CCDC149: variants seen among roughly 807,000 people sequenced by gnomAD.
CCDC149 encodes coiled-coil domain containing 149, also known as coiled-coil domain-containing protein 149.
CCDC149 carries 45 observed loss-of-function variants against 59.9 expected under a neutral mutation model. That is an observed-to-expected ratio of 0.75 (90% CI 0.59 to 0.96). The LOEUF is 0.96. Ranked by LOEUF, CCDC149 falls within the 40% of genes least tolerant of loss-of-function variation. CCDC149 has a pLI of 0.00. For synonymous variants in CCDC149, 245 were observed against 260.6 expected, an observed-to-expected ratio of 0.94 and a Z score of 0.58; for missense variants, 584 against 664.7, an observed-to-expected ratio of 0.88 and a Z score of 1.33.
intron 4 of CCDC149, among the ~76,000 whole-genome samples, chr4:24,839,000 ACTCT>A (rs36052894): frequency 0.057 from 7,329 of 127,882 alleles, 250 homozygotes; most frequent in South Asian, 0.082. Flanking sequence ...TATACTAAGA[ACTCT>A]CTCTCTCTCT....
At chr4:24,979,540 A>G (rs1724373316) in intron 1 of CCDC149, among the ~76,000 whole-genome samples, 1 of 152,198 alleles carries the variant, frequency 6.6e-6, no homozygotes, top group African/African-American at 2.4e-5. Flanking sequence ...TCCATATGCT[A>G]TTTAAACTGG....
intron 3 of CCDC149, among the ~76,000 whole-genome samples, chr4:24,864,027 G>A (rs1718536352): frequency 6.6e-6 from 1 of 152,202 alleles, no homozygotes; most frequent in Non-Finnish European, 1.5e-5. Context: ...AGAGTGCCTT[G>A]CTGAGAGATC....
At chr4:24,910,239 TCCCATAG>T (rs1176963458) in intron 1 of CCDC149, among the ~76,000 whole-genome samples, 1 of 152,202 alleles carries the variant, frequency 6.6e-6, no homozygotes, top group African/African-American at 2.4e-5. Context: ...ATCTCCGTCT[TCCCATAG>T]CCTGCTCCCT....
chr4:24,914,504 G>A (rs2109332515), upstream of CCDC149, among the ~76,000 whole-genome samples: 1 of 152,136 alleles, frequency 6.6e-6, no homozygotes, highest in African/African-American at 2.4e-5. Flanking sequence ...TGCTGGTTAA[G>A]GTAGGATTCC....
chr4:24,872,245 A>G (rs1448921124), intron 3 of CCDC149, among the ~76,000 whole-genome samples: 3 of 152,250 alleles, frequency 2.0e-5, no homozygotes, highest in African/African-American at 7.2e-5. Flanking sequence ...TGGTTTGGTC[A>G]ATAAACAGTG....
At chr4:24,862,070 T>C (rs959647068) in intron 3 of CCDC149, among the ~76,000 whole-genome samples, 1 of 152,202 alleles carries the variant, frequency 6.6e-6, no homozygotes, top group Non-Finnish European at 1.5e-5. Flanking sequence ...GGCACCAAGA[T>C]GAATCTTGAT....
upstream of CCDC149, among the ~76,000 whole-genome samples, chr4:24,917,235 C>T (rs1722153360): frequency 6.6e-6 from 1 of 152,212 alleles, no homozygotes; most frequent in Non-Finnish European, 1.5e-5. Context: ...CCTGCCAAGC[C>T]CTCCCTGCCC....
intron 1 of CCDC149, among the ~76,000 whole-genome samples, chr4:24,938,200 A>G (rs532242291): frequency 2.0e-5 from 3 of 152,340 alleles, no homozygotes; most frequent in East Asian, 1.9e-4. Context: ...AATTACAGGC[A>G]TTAAAGAGAA....
At chr4:24,870,826 A>G (rs571568172) in intron 3 of CCDC149, among the ~76,000 whole-genome samples, 79 of 152,198 alleles carry the variant, frequency 5.2e-4, no homozygotes, top group African/African-American at 1.9e-3. Flanking sequence ...CCAATTTTTA[A>G]ACATTAAAGA....
intron 1 of CCDC149, among the ~76,000 whole-genome samples, chr4:24,954,367 C>G (rs1000739191): frequency 2.0e-5 from 3 of 152,226 alleles, no homozygotes; most frequent in African/African-American, 2.4e-5. Flanking sequence ...CCCCAAGACT[C>G]CACTATGTTT....
chr4:24,866,485 A>G (rs1194907331), intron 3 of CCDC149, among the ~76,000 whole-genome samples: 1 of 152,158 alleles, frequency 6.6e-6, no homozygotes, highest in Non-Finnish European at 1.5e-5. Context: ...TAGCAAAAGA[A>G]AAATATTTAA....
At chr4:24,830,898 A>G (rs1203215202) in intron 9 of CCDC149, 1 of 152,120 alleles carries the variant, frequency 6.6e-6, no homozygotes, top group Non-Finnish European at 1.5e-5. Context: ...TTGTTTATTC[A>G]CCATTCTCTG....
At chr4:24,877,241 A>G (rs891968240) in intron 1 of CCDC149, among the ~76,000 whole-genome samples, 7 of 152,052 alleles carry the variant, frequency 4.6e-5, no homozygotes, top group Non-Finnish European at 1.0e-4. Context: ...GCTGGAGTGC[A>G]GTGATGTGAT....
chr4:24,895,295 T>C (rs768862583), intron 1 of CCDC149, among the ~76,000 whole-genome samples: 7 of 152,166 alleles, frequency 4.6e-5, no homozygotes, highest in Admixed American at 2.0e-4. Flanking sequence ...TGTGCACATG[T>C]AAAAATGCAC....
At chr4:24,906,920 G>A (rs1202692666) in intron 1 of CCDC149, among the ~76,000 whole-genome samples, 1 of 152,134 alleles carries the variant, frequency 6.6e-6, no homozygotes, top group Admixed American at 6.5e-5. Context: ...ACTAAATTAG[G>A]AGAGTGTGGG....
At chr4:24,913,430 G>A (rs1414063687), upstream of CCDC149, among the ~76,000 whole-genome samples, 1 of 152,230 alleles carries the variant, frequency 6.6e-6, no homozygotes, top group Non-Finnish European at 1.5e-5. Context: ...ATATTTATTG[G>A]ACGAATATTT....
chr4:24,883,955 C>T (rs970006288), intron 1 of CCDC149, among the ~76,000 whole-genome samples: 2 of 152,168 alleles, frequency 1.3e-5, no homozygotes, highest in African/African-American at 4.8e-5. Context: ...TACATTGGCA[C>T]CAAATTAGTT....
intron 1 of CCDC149, among the ~76,000 whole-genome samples, chr4:24,947,379 TC>T (rs1391932249): frequency 2.6e-5 from 4 of 152,220 alleles, no homozygotes; most frequent in Non-Finnish European, 5.9e-5. Context: ...GGACATGTTT[TC>T]TTCCCCTTCT....
intron 1 of CCDC149, among the ~76,000 whole-genome samples, chr4:24,893,777 C>T (rs577912180): frequency 6.6e-4 from 100 of 151,818 alleles, no homozygotes; most frequent in Non-Finnish European, 1.1e-3. Flanking sequence ...ACCACCATGC[C>T]CAGCTAATTT....
Sources: allele counts gnomAD v4.1 joint callset (sites outside exome capture counted in the v4.1 genomes callset), GRCh38; gene constraint gnomAD v4.1.1; transcripts MANE v1.5; gene names NCBI Gene and HGNC (gene_info 2026-07-23, HGNC 2026-07-21).